The following LMTK2 variants were observed in gnomAD, a reference collection of about 807,000 sequenced individuals.
The protein encoded by LMTK2 is serine/threonine-protein kinase LMTK2.
In LMTK2, 37 loss-of-function variants were observed where a neutral mutation model predicts 127.5. That is an observed-to-expected ratio of 0.29 (90% confidence interval 0.22 to 0.38). The LOEUF (loss-of-function observed/expected upper bound fraction) is 0.38, where lower values mean the gene tolerates loss of function less well. LMTK2 is among the 10% of genes least tolerant of loss of function. The pLI, the probability that LMTK2 is intolerant of heterozygous loss-of-function variation, is 1.00. For synonymous variants in LMTK2, 819 were observed against 810.1 expected (o/e 1.01, Z -0.19); for missense variants, 1,694 against 1,920.3 (o/e 0.88, Z 2.20).
chr7:98,172,197 C>G (rs559049247), intron 7 of LMTK2, among the ~76,000 whole-genome samples: 1 of 152,234 alleles, frequency 6.6e-6, no homozygotes, highest in Non-Finnish European at 1.5e-5. Flanking sequence ...TGATGAGGCC[C>G]CCCGCTCCCG....
chr7:98,132,270 A>G lies in LMTK2; in HGVS notation c.104-5045A>G, dbSNP rs1479422736. 5.3e-5 allele frequency among the ~76,000 whole-genome samples: 8 copies of G among 150,764 alleles called. No homozygotes were observed. The East Asian group carries it at 1.4e-3, about 26-fold the overall frequency. On this transcript the variant is annotated intron_variant, in intron 1 of 13. Coordinates refer to ENST00000297293, the MANE Select transcript of LMTK2 (RefSeq NM_014916.4). ...TAGTGAACCAACTTTTTTTTTTTTG[A>G]GACGGAGTCTCACTCTGTCGCCCAG...
At chr7:98,152,175 A>T (rs1028683207) in intron 4 of LMTK2, among the ~76,000 whole-genome samples, 1 of 152,150 alleles carries the variant, frequency 6.6e-6, no homozygotes, top group Non-Finnish European at 1.5e-5. Flanking sequence ...ACCATGAACA[A>T]CTAGTCTTCT....
chr7:98,156,332 T>G (rs4729409), intron 5 of LMTK2, among the ~76,000 whole-genome samples: 150,700 of 152,172 alleles, frequency 0.99, 74,640 homozygotes, highest in Middle Eastern at 1. Context: ...GGGCGTGGTG[T>G]CGGGTGCCTG....
intron 6 of LMTK2, among the ~76,000 whole-genome samples, chr7:98,167,303 A>G (rs1413064979): frequency 6.6e-6 from 1 of 152,244 alleles, no homozygotes; most frequent in Non-Finnish European, 1.5e-5. Flanking sequence ...ACGGAGTCCT[A>G]GCCATGTCTA....
intron 1 of LMTK2, among the ~76,000 whole-genome samples, chr7:98,113,812 A>C (rs1562893960): frequency 6.6e-6 from 1 of 152,232 alleles, no homozygotes; most frequent in Non-Finnish European, 1.5e-5. Context: ...CTGCAGAGCA[A>C]AATATTGGAT....
At chr7:98,146,386 T>A (rs1394933982) in intron 3 of LMTK2, among the ~76,000 whole-genome samples, 3 of 151,664 alleles carry the variant, frequency 2.0e-5, no homozygotes, top group African/African-American at 4.8e-5. Flanking sequence ...TCTGATAGTT[T>A]TTTTATTTTA....
intron 1 of LMTK2, 57 bp downstream of exon 1, chr7:98,107,337 G>T: frequency 1.7e-6 from 2 of 1,143,412 alleles, no homozygotes; most frequent in Non-Finnish European, 2.2e-6. Flanking sequence ...GAGGGGAGGG[G>T]GCGGCAGGGC....
At chr7:98,168,415 G>A (rs573062697) in intron 6 of LMTK2, among the ~76,000 whole-genome samples, 1 of 152,372 alleles carries the variant, frequency 6.6e-6, no homozygotes, top group African/African-American at 2.4e-5. Context: ...AGGCGTGGCG[G>A]CGTCAGCTGC....
At position 98,159,340 on chromosome 7, in the gene LMTK2, T is replaced by G. The variant is rs1170005237; in HGVS notation, c.572T>G (p.Ile191Ser). ...ATTATGGCTTTTATTTTTCCCAGCA[T>G]TCTTCAGCATCCAAATATTCTTCAG... ...TFLKNGEPYY[I>S]LQHPNILQCV... is the part of the protein sequence containing the mutation. Residue 191 changes from isoleucine (I) to serine (S), a missense_variant and splice_region_variant, in exon 6 of 14, where the codon ATT (isoleucine) becomes AGT (serine). This residue lies in a region of LMTK2 where 203 missense variants were observed against 226.2 expected (regional missense o/e 0.90). Coordinates refer to ENST00000297293, the MANE Select transcript of LMTK2 (RefSeq NM_014916.4). 1 of 1,598,700 alleles carries G rather than the reference T, an allele frequency of 6.3e-7. No individual in the cohort carries two copies. The highest frequency in any genetic ancestry group is 1.1e-5 in the South Asian group (1 of 88,552).
At chr7:98,151,709 A>G (rs544101818) in intron 4 of LMTK2, among the ~76,000 whole-genome samples, 27 of 152,220 alleles carry the variant, frequency 1.8e-4, no homozygotes, top group South Asian at 4.1e-4. Flanking sequence ...GTGGCTTATA[A>G]ACAACAGAAA....
chr7:98,153,482 G>A (rs1296494513), intron 4 of LMTK2, among the ~76,000 whole-genome samples: 1 of 152,342 alleles, frequency 6.6e-6, no homozygotes, highest in African/African-American at 2.4e-5. Context: ...AGTTGTTCAG[G>A]GGGAAATGGT....
intron 5 of LMTK2, among the ~76,000 whole-genome samples, chr7:98,157,414 G>A (rs1005548691): frequency 1.9e-4 from 29 of 152,080 alleles, no homozygotes; most frequent in Non-Finnish European, 4.0e-4. Flanking sequence ...CTATGGCCCA[G>A]CCAAGGTGAC....
At chr7:98,197,239 G>T (rs929093915) in intron 11 of LMTK2, among the ~76,000 whole-genome samples, 2 of 152,228 alleles carry the variant, frequency 1.3e-5, no homozygotes, top group Admixed American at 6.5e-5. Flanking sequence ...TTCCCCATGT[G>T]GGGGTGGTTG....
Position 98,184,242 on chromosome 7 carries a change from G to A in LMTK2, c.792-809G>A, listed in dbSNP as rs201778032. ...TGTCGAGCGTTCCCAGTGGGAGGTC[G>A]TATAAGAGGCCATTTTGCCTCTTAG... On this transcript the variant is annotated intron_variant, in intron 7 of 13. Coordinates refer to ENST00000297293, the MANE Select transcript of LMTK2 (RefSeq NM_014916.4). Among the ~76,000 whole-genome samples the A allele has an allele frequency of 2.2e-4, 34 of 152,200 alleles. No individual in the cohort carries two copies. The East Asian group carries it at 5.0e-3, about 22-fold the overall frequency.
chr7:98,147,315 C>T (rs1796788857), intron 3 of LMTK2, among the ~76,000 whole-genome samples: 1 of 152,034 alleles, frequency 6.6e-6, no homozygotes, highest in Non-Finnish European at 1.5e-5. Context: ...ACTTCCTGGG[C>T]TCCAGTGATC....
At chr7:98,179,156 C>T (rs1337966548) in intron 7 of LMTK2, among the ~76,000 whole-genome samples, 1 of 152,212 alleles carries the variant, frequency 6.6e-6, no homozygotes, top group African/African-American at 2.4e-5. Flanking sequence ...CTTCTGCAGG[C>T]GTAATTGTTC....
intron 2 of LMTK2, among the ~76,000 whole-genome samples, chr7:98,140,144 T>TCG (rs1562902718): frequency 8.3e-5 from 5 of 60,568 alleles, no homozygotes; most frequent in African/African-American, 1.8e-4. Flanking sequence ...CTTTCTTTCT[T>TCG]TTCTTTTCTT....
At chr7:98,163,493 T>C (rs1584272330) in intron 6 of LMTK2, among the ~76,000 whole-genome samples, 1 of 152,154 alleles carries the variant, frequency 6.6e-6, no homozygotes, top group South Asian at 2.1e-4. Flanking sequence ...TCACATTGTT[T>C]CCTTGGGCAA....
Position 98,114,749 on chromosome 7 carries a change from G to A in LMTK2, c.103+7469G>A, listed in dbSNP as rs150939433. ...TCAGAGCTAACTTGATCTGCCTATC[G>A]CTTGCAAAATATTCCATGCAAATTC... On this transcript the variant is annotated intron_variant, in intron 1 of 13. Coordinates refer to ENST00000297293, the MANE Select transcript of LMTK2 (RefSeq NM_014916.4). Among the ~76,000 whole-genome samples the A allele has an allele frequency of 3.3e-3, 500 of 152,224 alleles. 2 individuals carry two copies. Among genetic ancestry groups the A allele is most frequent in the African/African-American group, 0.012 (479 of 41,554 alleles).
Sources: gnomAD v4.1 joint callset for allele counts (sites outside exome capture counted in the v4.1 genomes callset) on GRCh38, gnomAD v4.1.1 for gene constraint, gnomAD v4.1.1 regional missense constraint, MANE v1.5 for transcripts, NCBI Gene and HGNC (gene_info 2026-07-23, HGNC 2026-07-21) for gene names.